Variants in PRPF18 observed in about 807,000 individuals in gnomAD.
PRPF18 encodes the protein pre-mRNA-splicing factor 18.
In PRPF18, 38 loss-of-function variants were observed where a neutral mutation model predicts 46.5. The ratio of observed to expected loss-of-function variants is 0.82; its 90% confidence interval spans 0.63 to 1.07. The LOEUF is 1.07. Among genes scored for constraint, PRPF18 ranks in the 50% least tolerant of loss-of-function variants. The pLI is 0.00. For synonymous variants in PRPF18, 152 were observed against 146.7 expected (o/e 1.04, Z -0.26); for missense variants, 263 against 410.0 (o/e 0.64, Z 3.10).
chr10:13,634,388 C>T (rs557206497), downstream of PRPF18, among the ~76,000 whole-genome samples: 2 of 152,200 alleles, frequency 1.3e-5, no homozygotes, highest in Admixed American at 6.5e-5. Context: ...TGAGAAGTTT[C>T]GAGCTGCCTT....
intron 1 of PRPF18, chr10:13,592,088 C>A: frequency 1.7e-6 from 1 of 586,606 alleles, no homozygotes; most frequent in South Asian, 1.6e-5. Flanking sequence ...TCTTTTCAAC[C>A]TCGTACTTAG....
the PRPF18 span, chr10:13,641,875 T>C: frequency 1.3e-5 from 2 of 151,832 alleles, no homozygotes. Flanking sequence ...TGAGAGAAAA[T>C]GGATAAATGA....
At chr10:13,588,232 C>A (rs1390576318) in intron 1 of PRPF18, among the ~76,000 whole-genome samples, 2 of 152,110 alleles carry the variant, frequency 1.3e-5, no homozygotes, top group Admixed American at 6.5e-5. Flanking sequence ...CATGGTGAAA[C>A]CCCGTCTCTA....
the PRPF18 span, among the ~76,000 whole-genome samples, chr10:13,648,936 C>T: frequency 6.6e-6 from 1 of 152,048 alleles, no homozygotes; most frequent in Non-Finnish European, 1.5e-5. Flanking sequence ...AAAAAGCTTC[C>T]ATGGATAAAT....
intron 1 of PRPF18, among the ~76,000 whole-genome samples, chr10:13,594,735 A>G (rs544716062): frequency 6.6e-6 from 1 of 152,300 alleles, no homozygotes; most frequent in South Asian, 2.1e-4. Context: ...CAAGTTTTCC[A>G]CTTTTCCAGT....
intron 1 of PRPF18, chr10:13,591,376 C>T (rs556606967): frequency 1.5e-4 from 63 of 410,208 alleles, no homozygotes; most frequent in African/African-American, 1.3e-3. Flanking sequence ...ATAATTCTTA[C>T]AACCACAAAT....
At chr10:13,609,707 A>T (rs11258468) in intron 4 of PRPF18, among the ~76,000 whole-genome samples, 1 of 152,060 alleles carries the variant, frequency 6.6e-6, no homozygotes, top group Non-Finnish European at 1.5e-5. Context: ...ACTCTAATGG[A>T]GACCTGCCAC....
chr10:13,606,748 A>AAAAAAC (rs2080191245), intron 4 of PRPF18, among the ~76,000 whole-genome samples: 3 of 151,690 alleles, frequency 2.0e-5, no homozygotes, highest in Admixed American at 6.6e-5. Flanking sequence ...AAAAAAAAAA[A>AAAAAAC]AAAAAAAAAA....
intron 9 of PRPF18, among the ~76,000 whole-genome samples, chr10:13,628,142 G>A (rs1415567191): frequency 1.3e-5 from 2 of 152,188 alleles, no homozygotes; most frequent in Non-Finnish European, 2.9e-5. Context: ...ACAACAAAAA[G>A]GAGCCAAGTG....
the PRPF18 span, among the ~76,000 whole-genome samples, chr10:13,650,214 AT>A: frequency 4.6e-5 from 7 of 152,094 alleles, no homozygotes; most frequent in African/African-American, 1.7e-4. Context: ...AAACTGAATT[AT>A]TTTTTTAAAC....
the PRPF18 span, among the ~76,000 whole-genome samples, chr10:13,650,897 G>A: frequency 1.3e-5 from 2 of 152,052 alleles, no homozygotes; most frequent in African/African-American, 2.4e-5. Flanking sequence ...CCGTGAACTC[G>A]AAAGTGACCC....
intron 3 of PRPF18, among the ~76,000 whole-genome samples, chr10:13,600,829 T>A (rs1261583689): frequency 6.6e-6 from 1 of 152,228 alleles, no homozygotes; most frequent in East Asian, 1.9e-4. Flanking sequence ...CAGGCTGGAA[T>A]ACAGTGGTGC....
downstream of PRPF18, among the ~76,000 whole-genome samples, chr10:13,632,390 G>A (rs114401025): frequency 6.4e-3 from 970 of 152,212 alleles, 13 homozygotes; most frequent in African/African-American, 0.022. Context: ...ACTTACCAGC[G>A]CAAGTGAGAG....
intron 9 of PRPF18, among the ~76,000 whole-genome samples, chr10:13,619,850 T>G (rs1238222315): frequency 6.6e-6 from 1 of 151,760 alleles, no homozygotes; most frequent in Non-Finnish European, 1.5e-5. Flanking sequence ...TCTTGGTTTT[T>G]GAAAAAAAAG....
Position 13,613,895 on chromosome 10 carries a change from GAAAATACTTTTTTTAACTGACTTTA to G in PRPF18, c.720+22_720+46del. The G allele has an allele frequency of 6.3e-7, 1 of 1,592,570 alleles. No homozygotes were observed. On this transcript the variant is annotated intron_variant, in intron 7 of 9. Coordinates refer to ENST00000378572, the MANE Select transcript of PRPF18 (RefSeq NM_003675.4). Reference sequence around the variant, plus strand: ...CTACGGAAAAGGGTGAGGTTTCTTGGAAAATACTTTTTTTAACTGACTTTAAAAATACAGTATAAATTTAGAATAA... The same window carrying G: ...CTACGGAAAAGGGTGAGGTTTCTTGGAAAATACAGTATAAATTTAGAATAA...
chr10:13,617,359 G>A (rs2080359180), intron 9 of PRPF18, among the ~76,000 whole-genome samples: 1 of 152,136 alleles, frequency 6.6e-6, no homozygotes, highest in Admixed American at 6.5e-5. Flanking sequence ...TCACTTCCAA[G>A]TGCTGAATGT....
intron 3 of PRPF18, among the ~76,000 whole-genome samples, chr10:13,604,113 G>A (rs2080152122): frequency 6.6e-6 from 1 of 152,160 alleles, no homozygotes; most frequent in Non-Finnish European, 1.5e-5. Flanking sequence ...TGTCAGCCAG[G>A]GATCTGACAA....
intron 6 of PRPF18, among the ~76,000 whole-genome samples, 198 bp downstream of exon 6, chr10:13,611,881 CTT>C (rs376808326): frequency 9.3e-5 from 13 of 139,806 alleles, no homozygotes; most frequent in Non-Finnish European, 1.1e-4. Context: ...TTTCTTGTGG[CTT>C]TTTTTTTTTT....
chr10:13,621,659 G>A lies in PRPF18; in HGVS notation c.948+5106G>A, dbSNP rs527979479. 2.0e-4 allele frequency among the ~76,000 whole-genome samples: 31 copies of A among 152,234 alleles called. No homozygotes were observed. In the East Asian group the frequency reaches 3.3e-3, roughly 16 times the overall value. On this transcript the variant is annotated intron_variant, in intron 9 of 9. Transcript: ENST00000378572. ...CAGTTCGACTGCTGGCATCCTCCTC[G>A]CTATGTATAGATGAATTGATCTGTG...
Sources: allele counts gnomAD v4.1 joint callset (sites outside exome capture counted in the v4.1 genomes callset), GRCh38; gene constraint gnomAD v4.1.1; transcripts MANE v1.5; gene names NCBI Gene and HGNC (gene_info 2026-07-23, HGNC 2026-07-21).